The following NTRK3 variants were observed in gnomAD, a reference collection of about 807,000 sequenced individuals.
The protein encoded by NTRK3 is neurotrophic receptor tyrosine kinase 3.
A neutral mutation model predicts 91.7 loss-of-function variants in NTRK3; 24 were observed. The ratio of observed to expected loss-of-function variants is 0.26; its 90% CI spans 0.19 to 0.37. The LOEUF is 0.37. Among genes scored for constraint, NTRK3 ranks in the 10% least tolerant of loss-of-function variants. The pLI is 1.00. For synonymous variants in NTRK3, 483 were observed against 404.0 expected, an observed-to-expected ratio of 1.20 and a Z score of -2.34; for missense variants, 880 against 1,068.9, an observed-to-expected ratio of 0.82 and a Z score of 2.46.
exon 19 of NTRK3, chr15:87,863,534 T>TTG (rs1195603453): frequency 4.5e-6 from 1 of 220,144 alleles, no homozygotes; most frequent in Non-Finnish European, 9.1e-6. Flanking sequence ...CTTTTTTTTT[T>TTG]TTTGTATGTG....
At chr15:88,183,911 C>T (rs1390395838) in intron 4 of NTRK3, among the ~76,000 whole-genome samples, 5 of 152,186 alleles carry the variant, frequency 3.3e-5, no homozygotes, top group Admixed American at 6.5e-5. Flanking sequence ...ATCAGTCAAG[C>T]ATAAGGGTAG....
intron 10 of NTRK3, among the ~76,000 whole-genome samples, chr15:88,134,652 T>C (rs1167787636): frequency 6.6e-6 from 1 of 152,226 alleles, no homozygotes; most frequent in Non-Finnish European, 1.5e-5. Context: ...GGAACCATCA[T>C]CAGGTGTCAA....
At chr15:87,998,932 C>T (rs545528653) in intron 14 of NTRK3, among the ~76,000 whole-genome samples, 1 of 152,184 alleles carries the variant, frequency 6.6e-6, no homozygotes, top group South Asian at 2.1e-4. Flanking sequence ...GCTGCAAAAG[C>T]CAACCAGTAA....
intron 13 of NTRK3, among the ~76,000 whole-genome samples, chr15:88,085,110 G>A (rs2048380418): frequency 6.6e-6 from 1 of 152,216 alleles, no homozygotes. Context: ...CAGCCTGGGT[G>A]CAGCCAAGCA....
In NTRK3 at chr15:88,241,388, G is replaced by A. The variant is rs1006009657; in HGVS notation, c.248+14518C>T. On this transcript the variant is annotated intron_variant, in intron 3 of 18. Transcript: ENST00000394480. The surrounding 1 kb of genome is among the most constrained non-coding windows in gnomAD (Gnocchi z 4.3). ...GAGACACAGCCTGCAGCTCAGGGAT[G>A]GGGGTGATGGGCGCAGGGAAGAGCA... Among the ~76,000 whole-genome samples, 2 of 152,188 alleles carry A rather than the reference G, an allele frequency of 1.3e-5. No homozygotes were observed. Among genetic ancestry groups the A allele is most frequent in the African/African-American group, 4.8e-5 (2 of 41,448 alleles).
intron 5 of NTRK3, among the ~76,000 whole-genome samples, chr15:88,156,034 C>G (rs2043865994): frequency 6.6e-6 from 1 of 152,150 alleles, no homozygotes; most frequent in Non-Finnish European, 1.5e-5. Flanking sequence ...TGCCTGAAGT[C>G]CCCAGTAGAG....
At chr15:88,155,062 G>T (rs987329710) in intron 5 of NTRK3, among the ~76,000 whole-genome samples, 4 of 152,158 alleles carry the variant, frequency 2.6e-5, no homozygotes, top group Admixed American at 2.6e-4. Context: ...GTTGTCTACG[G>T]TCATGTTCCA....
intron 3 of NTRK3, among the ~76,000 whole-genome samples, chr15:88,185,502 G>A (rs894187616): frequency 6.6e-6 from 1 of 152,162 alleles, no homozygotes; most frequent in Admixed American, 6.5e-5. Context: ...CTCTAAAGGT[G>A]TATGAATGTG....
At chr15:87,983,153 T>G (rs1266434966) in intron 14 of NTRK3, among the ~76,000 whole-genome samples, 1 of 152,252 alleles carries the variant, frequency 6.6e-6, no homozygotes, top group Admixed American at 6.5e-5. Context: ...CATCTTCAAG[T>G]TGCTACATCA....
At chr15:88,232,228 T>C (rs951634334) in intron 3 of NTRK3, among the ~76,000 whole-genome samples, 1 of 152,104 alleles carries the variant, frequency 6.6e-6, no homozygotes, top group Non-Finnish European at 1.5e-5. Context: ...GACCCCCCTA[T>C]ATAGGCACCA....
rs189838206 is a variant in NTRK3 at position 87,999,251 on chromosome 15, C to A, written c.1585+33606G>T. Among the ~76,000 whole-genome samples, 251 of 152,314 alleles carry A rather than the reference C, an allele frequency of 1.6e-3. 2 individuals carry two copies. The highest frequency in any genetic ancestry group is 9.1e-3 in the South Asian group (44 of 4,826). On this transcript the variant is annotated intron_variant, in intron 14 of 18. Coordinates refer to ENST00000394480, the Ensembl canonical transcript of NTRK3. ...TGCATCCCCACACTATTCCTCTGAA[C>A]AATGGAAAAGATATTCTTCCTCTGA... is the stretch of plus-strand genomic sequence containing the variant.
At chr15:88,056,038 G>T (rs1179944640) in intron 13 of NTRK3, among the ~76,000 whole-genome samples, 1 of 152,008 alleles carries the variant, frequency 6.6e-6, no homozygotes, top group Non-Finnish European at 1.5e-5. Flanking sequence ...GGGCAAACTG[G>T]AGAGAAAGCA....
chr15:88,168,779 G>T (rs1194921850), intron 5 of NTRK3, among the ~76,000 whole-genome samples: 2 of 152,150 alleles, frequency 1.3e-5, no homozygotes, highest in Non-Finnish European at 2.9e-5. Context: ...TATGAAGCAG[G>T]TACCTGCTCC....
intron 14 of NTRK3, among the ~76,000 whole-genome samples, chr15:87,999,406 C>G (rs948761593): frequency 6.6e-6 from 1 of 152,222 alleles, no homozygotes; most frequent in Non-Finnish European, 1.5e-5. Context: ...TATTTTCTTA[C>G]ATGTATCCCC....
chr15:88,184,826 C>G (rs2046822986), intron 3 of NTRK3, among the ~76,000 whole-genome samples: 2 of 152,196 alleles, frequency 1.3e-5, no homozygotes. Flanking sequence ...TCTGGAAGCC[C>G]CCTTTGGGTG....
At chr15:88,182,021 T>C (rs1037065862) in intron 5 of NTRK3, among the ~76,000 whole-genome samples, 7 of 152,144 alleles carry the variant, frequency 4.6e-5, no homozygotes, top group Non-Finnish European at 1.0e-4. Context: ...TGGTCCCAGC[T>C]ATGCCTCCAG....
At chr15:87,899,439 C>T (rs1192921989) in intron 17 of NTRK3, among the ~76,000 whole-genome samples, 3 of 148,398 alleles carry the variant, frequency 2.0e-5, no homozygotes, top group Non-Finnish European at 3.0e-5. Flanking sequence ...ATGAAGCATT[C>T]GAACTCCATC....
At chr15:88,064,169 A>G (rs2046448568) in intron 13 of NTRK3, among the ~76,000 whole-genome samples, 1 of 152,212 alleles carries the variant, frequency 6.6e-6, no homozygotes, top group South Asian at 2.1e-4. Context: ...GGCCACTGGA[A>G]GCTGAAAGAG....
chr15:88,149,607 G>A (rs1439434833), intron 5 of NTRK3, among the ~76,000 whole-genome samples: 1 of 152,146 alleles, frequency 6.6e-6, no homozygotes, highest in Non-Finnish European at 1.5e-5. Flanking sequence ...TTCCCCCACC[G>A]ATCAGAAAGG....
Sources: allele counts gnomAD v4.1 joint callset (sites outside exome capture counted in the v4.1 genomes callset), GRCh38; gene constraint gnomAD v4.1.1; non-coding constraint Gnocchi (gnomAD v3.1); transcripts MANE v1.5; gene names NCBI Gene and HGNC (gene_info 2026-07-23, HGNC 2026-07-21).